Variants in SLC12A7 observed in about 807,000 individuals in gnomAD.
The protein encoded by SLC12A7 is K-Cl cotransporter 4.
SLC12A7 carries 100 observed loss-of-function variants against 120.6 expected under a neutral mutation model. The ratio of observed to expected loss-of-function variants is 0.83; its 90% confidence interval spans 0.71 to 0.98. The LOEUF (loss-of-function observed/expected upper bound fraction) is 0.98, where lower values mean the gene tolerates loss of function less well. SLC12A7 is among the 50% of genes least tolerant of loss of function. The probability of loss-of-function intolerance (pLI) is 0.00; values close to 1 mark genes in which losing one functional copy is unlikely to be tolerated. For missense variants in SLC12A7, 1,373 were observed against 1,548.1 expected, an observed-to-expected ratio of 0.89 and a Z score of 1.90; for synonymous variants, 760 against 678.0, an observed-to-expected ratio of 1.12 and a Z score of -1.88.
rs530859344 is a variant in SLC12A7, at chr5:1,067,380, C to G, written c.2242-1902G>C. On this transcript the variant is annotated intron_variant, in intron 17 of 23. Coordinates refer to ENST00000264930, the MANE Select transcript of SLC12A7 (RefSeq NM_006598.3). ...GGCACAGGGAAGCACCCGCATCGGG[C>G]GTCATGTGGGAAGAAGGCAGGAAGT... is the stretch of plus-strand genomic sequence containing the variant. Among the ~76,000 whole-genome samples, 26 of 152,340 alleles carry G rather than the reference C, an allele frequency of 1.7e-4. 1 individual carries two copies. The South Asian group carries it at 2.7e-3, about 16-fold the overall frequency.
intron 6 of SLC12A7, among the ~76,000 whole-genome samples, chr5:1,085,744 G>T (rs914540808): frequency 2.6e-5 from 4 of 152,146 alleles, no homozygotes; most frequent in African/African-American, 9.7e-5. Flanking sequence ...ACAGGCCATG[G>T]ACAGCCAGGG....
Position 1,083,874 on chromosome 5 carries a change from C to G in SLC12A7, c.1000G>C (p.Ala334Pro). 6.2e-7 allele frequency: 1 copy of G among 1,608,256 alleles called. No individual in the cohort carries two copies. The highest frequency in any genetic ancestry group is 1.1e-5 in the South Asian group (1 of 90,574). The change falls in exon 8 of 24, where the codon GCC becomes CCC. Residue 334 changes from alanine to proline, a missense_variant. Coordinates refer to ENST00000264930, the MANE Select transcript of SLC12A7 (RefSeq NM_006598.3). Reference protein sequence around the residue: ...VKAYGIHNNSATSALWGLFCN... With the variant: ...VKAYGIHNNSPTSALWGLFCN... ...AAGAGGCCCCAGAGCGCGGAGGTGGCTGAGTTGTTGTGGATGCCGTAGGCC... is the reference window on the plus strand; with the variant it reads ...AAGAGGCCCCAGAGCGCGGAGGTGGGTGAGTTGTTGTGGATGCCGTAGGCC...
the SLC12A7 span, among the ~76,000 whole-genome samples, chr5:1,144,416 G>A: frequency 1.3e-5 from 2 of 152,358 alleles, no homozygotes; most frequent in Middle Eastern, 3.4e-3. Context: ...CTTTAAACCA[G>A]TTGCTCCCAG....
intron 22 of SLC12A7, among the ~76,000 whole-genome samples, chr5:1,054,800 G>GGA (rs1234711510): frequency 6.6e-6 from 1 of 152,216 alleles, no homozygotes; most frequent in Non-Finnish European, 1.5e-5. Context: ...AGGAACACAG[G>GGA]GAGAGACCTT....
intron 3 of SLC12A7, among the ~76,000 whole-genome samples, chr5:1,089,844 C>T (rs1369695087): frequency 6.6e-6 from 1 of 152,176 alleles, no homozygotes; most frequent in Non-Finnish European, 1.5e-5. Flanking sequence ...AGCTCCCCAG[C>T]TCCACTCGGG....
At chr5:1,100,379 C>T (rs1273093528) in intron 1 of SLC12A7, among the ~76,000 whole-genome samples, 1 of 152,240 alleles carries the variant, frequency 6.6e-6, no homozygotes, top group African/African-American at 2.4e-5. Context: ...GGGCCACCCG[C>T]AGCCGCCTGT....
chr5:1,062,668 C>G (rs1252850662), intron 20 of SLC12A7, among the ~76,000 whole-genome samples: 1 of 114,722 alleles, frequency 8.7e-6, no homozygotes, highest in Non-Finnish European at 1.8e-5. Flanking sequence ...CTGCCATACC[C>G]AGGGCTGGGG....
chr5:1,121,162 G>A, the SLC12A7 span, among the ~76,000 whole-genome samples: 1 of 152,212 alleles, frequency 6.6e-6, no homozygotes, highest in African/African-American at 2.4e-5. Context: ...TGGGACAGCT[G>A]GGCTGTTTCT....
the SLC12A7 span, among the ~76,000 whole-genome samples, chr5:1,141,798 G>A: frequency 6.6e-6 from 1 of 152,210 alleles, no homozygotes; most frequent in Admixed American, 6.5e-5. Context: ...TGGACACTCA[G>A]GCAGAGACAA....
upstream of SLC12A7, among the ~76,000 whole-genome samples, chr5:1,115,507 AG>A (rs1743279096): frequency 6.6e-6 from 1 of 152,090 alleles, no homozygotes; most frequent in Non-Finnish European, 1.5e-5. Flanking sequence ...CTTTCCTGTT[AG>A]GGTGGGGGGC....
intron 4 of SLC12A7, 132 bp from the exon 5 acceptor site, chr5:1,088,492 A>C: frequency 7.3e-6 from 7 of 954,270 alleles, no homozygotes; most frequent in Non-Finnish European, 1.1e-5. Context: ...CTCCATCTCA[A>C]TGGAGTGGCT....
the SLC12A7 span, among the ~76,000 whole-genome samples, chr5:1,154,354 A>AGCAC: frequency 9.9e-5 from 14 of 141,724 alleles, no homozygotes; most frequent in African/African-American, 3.4e-4. Flanking sequence ...TGGTGTCCGC[A>AGCAC]ACACACACAC....
intron 15 of SLC12A7, 122 bp from the exon 16 acceptor site, chr5:1,074,793 G>A: frequency 1.1e-6 from 1 of 881,380 alleles, no homozygotes; most frequent in Non-Finnish European, 1.8e-6. Flanking sequence ...AAAAGTCCCT[G>A]GATGAGGAGG....
the SLC12A7 span, among the ~76,000 whole-genome samples, chr5:1,151,177 C>G: frequency 2.0e-5 from 3 of 152,232 alleles, no homozygotes; most frequent in South Asian, 2.1e-4. The surrounding 1 kb of genome is among the most constrained non-coding windows in gnomAD (Gnocchi z 6.2). Flanking sequence ...CTTGCAAAGG[C>G]GCCTTCTACC....
intron 6 of SLC12A7, 60 bp downstream of exon 6, chr5:1,086,843 G>T: frequency 6.3e-7 from 1 of 1,589,984 alleles, no homozygotes; most frequent in Non-Finnish European, 8.6e-7. Context: ...GTCAGGCAGG[G>T]CCCCTTGGCA....
At chr5:1,054,318 G>A (rs2150774145) in intron 22 of SLC12A7, among the ~76,000 whole-genome samples, 1 of 152,368 alleles carries the variant, frequency 6.6e-6, no homozygotes, top group African/African-American at 2.4e-5. Context: ...CTGGCGGCCT[G>A]GGCCCGGCCA....
At chr5:1,155,772 C>T in the SLC12A7 span, among the ~76,000 whole-genome samples, 690 of 150,738 alleles carry the variant, frequency 4.6e-3, 6 homozygotes, top group African/African-American at 0.016. Context: ...GTCGGGGGCC[C>T]GGCGGGGGCT....
chr5:1,076,053 C>T (rs1561060700), intron 14 of SLC12A7, 85 bp downstream of exon 14: 2 of 1,174,240 alleles, frequency 1.7e-6, no homozygotes, highest in East Asian at 2.6e-5. Flanking sequence ...GCTCCTGACG[C>T]CTGTGCTGAG....
chr5:1,139,262 C>T, the SLC12A7 span, among the ~76,000 whole-genome samples: 18,650 of 152,314 alleles, frequency 0.12, 1,532 homozygotes, highest in Non-Finnish European at 0.17. Context: ...GGCGGGGGAC[C>T]CTCGCTGGTA....
Sources: gnomAD v4.1 joint callset for allele counts (sites outside exome capture counted in the v4.1 genomes callset) on GRCh38, gnomAD v4.1.1 for gene constraint, Gnocchi (gnomAD v3.1) non-coding constraint, MANE v1.5 for transcripts, NCBI Gene and HGNC (gene_info 2026-07-23, HGNC 2026-07-21) for gene names.